Variants in UBOX5 observed in about 807,000 individuals in gnomAD.
UBOX5 encodes the protein U-box domain containing 5.
A neutral mutation model predicts 39.0 loss-of-function variants in UBOX5; 28 were observed. The ratio of observed to expected loss-of-function variants is 0.72; its 90% CI spans 0.53 to 0.98. The LOEUF (loss-of-function observed/expected upper bound fraction) is 0.98. Ranked by LOEUF, UBOX5 falls within the 50% of genes least tolerant of loss-of-function variation. The pLI is 0.00. For missense variants in UBOX5, 585 were observed against 674.4 expected (o/e 0.87, Z 1.47); for synonymous variants, 283 against 275.5 (o/e 1.03, Z -0.27).
At chr20:3,143,992 G>A (rs75115886) in intron 1 of UBOX5, among the ~76,000 whole-genome samples, 1,994 of 151,992 alleles carry the variant, frequency 0.013, 46 homozygotes, top group African/African-American at 0.045. Flanking sequence ...GAAAATGTAA[G>A]ATTTATACAC....
chr20:3,121,489 A>T lies in UBOX5; in HGVS notation c.1150T>A (p.Phe384Ile). 1 of 1,614,056 alleles carries T rather than the reference A, an allele frequency of 6.2e-7. No individual in the cohort carries two copies. Among genetic ancestry groups the T allele is most frequent in the Non-Finnish European group, 8.5e-7 (1 of 1,180,020 alleles). ...AAGACCAAAGGGCTTGTGGCAGAAA[A>T]ACAGGAAGCATTTACACCAAAGTTA... ...DSNFGVNASC[F>I]SATSPLVLPT... The change falls in exon 3 of 5, where the codon TTT (phenylalanine) becomes ATT (isoleucine). Residue 384 changes from phenylalanine to isoleucine, a missense_variant. Phe to Ile is a conservative substitution (Grantham distance 21, BLOSUM62 0). Transcript: ENST00000217173.
At chr20:3,150,201 C>T (rs912670017) in intron 1 of UBOX5, among the ~76,000 whole-genome samples, 1 of 152,016 alleles carries the variant, frequency 6.6e-6, no homozygotes, top group Admixed American at 6.6e-5. Context: ...AGAGTAGTCA[C>T]AGAGTAATGG....
chr20:3,143,093 CTGTCT>C (rs1184015886), intron 1 of UBOX5, among the ~76,000 whole-genome samples: 2 of 135,216 alleles, frequency 1.5e-5, no homozygotes, highest in African/African-American at 2.7e-5. Flanking sequence ...GGTTAATCAT[CTGTCT>C]TTTTTTTTTT....
At chr20:3,119,563 T>TG (rs1432291257) in intron 3 of UBOX5, among the ~76,000 whole-genome samples, 1 of 152,174 alleles carries the variant, frequency 6.6e-6, no homozygotes, top group East Asian at 1.9e-4. Context: ...GATAAAAACA[T>TG]CTATCTCAGG....
intron 3 of UBOX5, chr20:3,116,697 A>T (rs903290077): frequency 6.6e-6 from 1 of 152,232 alleles, no homozygotes; most frequent in African/African-American, 2.4e-5. Flanking sequence ...AAAACCAAAG[A>T]CACAGAAATA....
rs533354899 is a variant in UBOX5, at chr20:3,149,425, G to A, written c.-42+10341C>T. On this transcript the variant is annotated intron_variant, in intron 1 of 4. Coordinates refer to ENST00000217173, the MANE Select transcript of UBOX5 (RefSeq NM_014948.4). The surrounding 1 kb of genome is among the most constrained non-coding windows in gnomAD (Gnocchi z 4.1). ...AGCATATATCAAGGATAAATTCTGC[G>A]GTCTGTGTAAAGGCCTAGGAAAACC... 1.6e-4 allele frequency among the ~76,000 whole-genome samples: 24 copies of A among 152,188 alleles called. No homozygotes were observed. The highest frequency in any genetic ancestry group is 7.9e-4 in the Admixed American group (12 of 15,274).
At chr20:3,129,679 G>T (rs921931121) in intron 1 of UBOX5, among the ~76,000 whole-genome samples, 8 of 152,148 alleles carry the variant, frequency 5.3e-5, no homozygotes, top group African/African-American at 1.9e-4. Flanking sequence ...ATCATTGTCT[G>T]TTCTATATGG....
chr20:3,149,339 G>A lies in UBOX5; in HGVS notation c.-42+10427C>T. The A allele has an allele frequency of 4.4e-6, 2 of 451,790 alleles. No homozygotes were observed. The highest frequency in any genetic ancestry group is 7.9e-6 in the Non-Finnish European group (2 of 253,730). 28.0% of individuals were successfully genotyped at this position (451,790 alleles called of 1,614,324 possible). A position where few individuals can be genotyped will look rare whatever the true frequency, so the allele number is the denominator to read the frequency against. On this transcript the variant is annotated intron_variant, in intron 1 of 4. Transcript: ENST00000217173. The surrounding 1 kb of genome is among the most constrained non-coding windows in gnomAD (Gnocchi z 4.1). Reference sequence around the variant, plus strand: ...ATTTACACATTATAAAAAACAGGTTGAAACTACACTGCTGTCTACTCAAAT... The same window carrying A: ...ATTTACACATTATAAAAAACAGGTTAAAACTACACTGCTGTCTACTCAAAT...
At chr20:3,153,888 A>T (rs1568484038) in intron 1 of UBOX5, among the ~76,000 whole-genome samples, 1 of 150,886 alleles carries the variant, frequency 6.6e-6, no homozygotes, top group African/African-American at 2.4e-5. Context: ...TACTCCAATC[A>T]TTTTTTTTTC....
At chr20:3,116,128 C>A (rs2066292177) in intron 3 of UBOX5, among the ~76,000 whole-genome samples, 1 of 152,150 alleles carries the variant, frequency 6.6e-6, no homozygotes, top group Non-Finnish European at 1.5e-5. Context: ...ACTGCTGCTC[C>A]CTGCCCCCCA....
intron 4 of UBOX5, among the ~76,000 whole-genome samples, chr20:3,111,296 T>C (rs2066252015): frequency 6.6e-6 from 1 of 152,178 alleles, no homozygotes; most frequent in Non-Finnish European, 1.5e-5. Flanking sequence ...TGCTTCAGAA[T>C]TGTTTCTTAA....
At chr20:3,126,113 T>G (rs1014722922) in intron 1 of UBOX5, among the ~76,000 whole-genome samples, 2 of 152,224 alleles carry the variant, frequency 1.3e-5, no homozygotes, top group African/African-American at 4.8e-5. Context: ...AGATTGTTAC[T>G]GTGTCTGTGT....
Position 3,110,019 on chromosome 20 carries a change from G to A in UBOX5, c.*87C>T, listed in dbSNP as rs1192898644. The A allele has an allele frequency of 2.0e-6, 3 of 1,528,472 alleles. No homozygotes were observed. In the East Asian group the frequency reaches 6.8e-5, roughly 35 times the overall value. The allele number at this position is 1,528,472 out of a possible 1,614,324, so 94.7% of individuals were successfully genotyped here. ...GCAGGCAGCTCTGTGCCTGGGGCCTGGCCAGACCTCAGGGGTGCTGTGGCC... is the reference window on the plus strand; with the variant it reads ...GCAGGCAGCTCTGTGCCTGGGGCCTAGCCAGACCTCAGGGGTGCTGTGGCC... On this transcript the variant is annotated 3_prime_UTR_variant, in exon 5 of 5. Transcript: ENST00000217173.
At chr20:3,142,422 G>T (rs939677509) in intron 1 of UBOX5, among the ~76,000 whole-genome samples, 2 of 151,938 alleles carry the variant, frequency 1.3e-5, no homozygotes, top group Admixed American at 6.6e-5. Context: ...CCAATTTGGC[G>T]AAACACTGTC....
chr20:3,147,013 G>A (rs118118489), intron 1 of UBOX5: 102 of 1,614,052 alleles, frequency 6.3e-5, no homozygotes, highest in Non-Finnish European at 8.1e-5. Flanking sequence ...TGCAGGCTGC[G>A]GGGCACAGGC....
intron 4 of UBOX5, among the ~76,000 whole-genome samples, chr20:3,111,063 G>A (rs975428625): frequency 5.3e-5 from 8 of 152,038 alleles, no homozygotes; most frequent in Non-Finnish European, 7.4e-5. Flanking sequence ...TGGCCCTCTC[G>A]GCAGGCTCTC....
At chr20:3,127,002 C>T (rs1218803532) in intron 1 of UBOX5, among the ~76,000 whole-genome samples, 2 of 139,402 alleles carry the variant, frequency 1.4e-5, no homozygotes, top group African/African-American at 2.7e-5. Context: ...CGCTACTGCA[C>T]TCCAGCCTGG....
At position 3,123,354 on chromosome 20, in the gene UBOX5, A is replaced by C. The variant is rs1167011509; in HGVS notation, c.12T>G (p.Asn4Lys). MVI[N>K]LCLPQFRPRI... ...TTGGTCTGAACTGTGGGAGGCAAAGATTTATTACCATCTTTGTGGCTGAGA... is the reference window on the plus strand; with the variant it reads ...TTGGTCTGAACTGTGGGAGGCAAAGCTTTATTACCATCTTTGTGGCTGAGA... The change falls in exon 2 of 5, where the codon AAT becomes AAG. Residue 4 changes from asparagine to lysine, a missense_variant. By Grantham distance (94) the Asn-to-Lys change is moderately conservative. Coordinates refer to ENST00000217173, the MANE Select transcript of UBOX5 (RefSeq NM_014948.4). The C allele has an allele frequency of 6.2e-7, 1 of 1,614,082 alleles. No individual in the cohort carries two copies. The highest frequency in any genetic ancestry group is 2.2e-5 in the East Asian group (1 of 44,886).
intron 4 of UBOX5, chr20:3,110,726 G>A (rs1011644168): frequency 4.0e-5 from 10 of 249,456 alleles, no homozygotes; most frequent in Non-Finnish European, 8.0e-5. Context: ...AGGTCAGTGG[G>A]GTGGCTCAAG....
Sources: gnomAD v4.1 joint callset for allele counts (sites outside exome capture counted in the v4.1 genomes callset) on GRCh38, gnomAD v4.1.1 for gene constraint, Gnocchi (gnomAD v3.1) non-coding constraint, MANE v1.5 for transcripts, NCBI Gene and HGNC (gene_info 2026-07-23, HGNC 2026-07-21) for gene names.